The following AFF2 variants were observed in gnomAD, a reference collection of about 807,000 sequenced individuals.
AFF2 encodes AF4/FMR2 family member 2.
AFF2 carries 14 observed loss-of-function variants against 76.9 expected under a neutral mutation model. That is an observed-to-expected ratio of 0.18 (90% CI 0.12 to 0.28). AFF2 has a LOEUF of 0.28. AFF2 is among the 10% of genes least tolerant of loss of function. The probability of loss-of-function intolerance (pLI) is 1.00; values close to 1 mark genes in which losing one functional copy is unlikely to be tolerated. For synonymous variants in AFF2, 398 were observed against 366.7 expected (o/e 1.09, Z -0.98); for missense variants, 868 against 1,001.1 (o/e 0.87, Z 1.79).
At chrX:148,976,475 G>T (rs895465890) in intron 16 of AFF2, among the ~76,000 whole-genome samples, 4 of 111,411 alleles carry the variant, frequency 3.6e-5, no homozygotes, top group Admixed American at 9.5e-5. Context: ...TTTAATGAGA[G>T]GAATTTCAGT....
At chrX:148,528,256 G>A (rs1196760157) in intron 1 of AFF2, among the ~76,000 whole-genome samples, 1 of 111,906 alleles carries the variant, frequency 8.9e-6, no homozygotes, top group Non-Finnish European at 1.9e-5. Context: ...CCTTACAGCT[G>A]TACCTCACCT....
chrX:148,644,848 A>C (rs962920890), intron 1 of AFF2, among the ~76,000 whole-genome samples: 1 of 111,831 alleles, frequency 8.9e-6, no homozygotes, highest in Non-Finnish European at 1.9e-5. Context: ...TCACACTGTG[A>C]GATCCAGATG....
At chrX:148,712,670 C>T (rs782342425) in intron 3 of AFF2, among the ~76,000 whole-genome samples, 17 of 111,478 alleles carry the variant, frequency 1.5e-4, no homozygotes, top group South Asian at 1.1e-3. Flanking sequence ...GTCAGAAATA[C>T]AATATATAAT....
intron 7 of AFF2, among the ~76,000 whole-genome samples, chrX:148,846,746 T>A (rs1352696993): frequency 1.8e-5 from 2 of 111,132 alleles, no homozygotes; most frequent in Admixed American, 9.5e-5. Flanking sequence ...CATAAGAAGG[T>A]GAAATTGTAG....
chrX:148,691,464 TG>T lies in AFF2; in HGVS notation c.1041+28697del, dbSNP rs1557260759. On this transcript the variant is annotated intron_variant, in intron 3 of 20. Transcript: ENST00000370460. ...CTAGAGCGGAGACACATGATTACAA[TG>T]TGTACAAAGTGCAATGAAATACGAG... is the stretch of plus-strand genomic sequence containing the variant. 2.7e-5 allele frequency among the ~76,000 whole-genome samples: 3 copies of T among 111,957 alleles called. No individual in the cohort carries two copies. The Admixed American group carries it at 2.9e-4, about 11-fold the overall frequency.
At position 148,809,352 on chromosome X, in the gene AFF2, A is replaced by T. The variant is rs1015291458; in HGVS notation, c.1042-524A>T. On this transcript the variant is annotated intron_variant, in intron 3 of 20. Coordinates refer to ENST00000370460, the MANE Select transcript of AFF2 (RefSeq NM_002025.4). ...GAAGGTGTCACACTGGGAAAAATGC[A>T]TCATGGGATTCACTGAGTATACTTC... 2.1e-4 allele frequency among the ~76,000 whole-genome samples: 24 copies of T among 112,082 alleles called. No homozygotes were observed. The Admixed American group carries it at 2.2e-3, about 10-fold the overall frequency.
intron 4 of AFF2, among the ~76,000 whole-genome samples, chrX:148,824,963 A>G (rs1296371501): frequency 3.6e-5 from 4 of 111,038 alleles, no homozygotes; most frequent in Non-Finnish European, 7.6e-5. Flanking sequence ...GCTTGAGCCC[A>G]GGAGTTGGAG....
At chrX:148,831,643 T>C (rs1232749499) in intron 4 of AFF2, among the ~76,000 whole-genome samples, 1 of 111,934 alleles carries the variant, frequency 8.9e-6, no homozygotes, top group African/African-American at 3.3e-5. Context: ...GAGCAGAGCA[T>C]CCTACAGGCT....
intron 7 of AFF2, among the ~76,000 whole-genome samples, chrX:148,867,617 G>T (rs2070922925): frequency 8.9e-6 from 1 of 112,097 alleles, no homozygotes; most frequent in South Asian, 3.7e-4. Context: ...TCTTTGATGC[G>T]AACAGTCCTT....
rs150131361 is a variant in AFF2 at position 148,907,926 on chromosome X, G to A, written c.1397+3668G>A. ...CGTAAAAGATAGCCACCCCCAAAGC[G>A]ACCATTTCAGAGGCCTCCCCTCAAG... On this transcript the variant is annotated intron_variant, in intron 9 of 20. Transcript: ENST00000370460. Among the ~76,000 whole-genome samples, 990 of 109,807 alleles carry A rather than the reference G, an allele frequency of 9.0e-3. 9 individuals carry two copies. The highest frequency in any genetic ancestry group is 0.031 in the African/African-American group (922 of 30,110).
chrX:148,779,731 A>G (rs7050333), intron 3 of AFF2, among the ~76,000 whole-genome samples: 2,980 of 112,003 alleles, frequency 0.027, 107 homozygotes, highest in African/African-American at 0.092. Context: ...TAATTGGGGC[A>G]TTTAGCCCGT....
intron 13 of AFF2, among the ~76,000 whole-genome samples, chrX:148,963,948 GTTCTC>G (rs2124379605): frequency 8.9e-6 from 1 of 112,029 alleles, no homozygotes; most frequent in Admixed American, 9.4e-5. Flanking sequence ...TGATGCGTAG[GTTCTC>G]AGCACATTTA....
At position 148,724,194 on chromosome X, in the gene AFF2, T is replaced by A. The variant is rs782819968; in HGVS notation, c.1041+61426T>A. Among the ~76,000 whole-genome samples the A allele has an allele frequency of 5.4e-5, 6 of 111,115 alleles. No homozygotes were observed. In the South Asian group the frequency reaches 2.3e-3, roughly 42 times the overall value. Reference sequence around the variant, plus strand: ...TTGTACACATAAGCATGATCTATTGTATCTTTTGAGGAGGATGTTTCTGCT... The same window carrying A: ...TTGTACACATAAGCATGATCTATTGAATCTTTTGAGGAGGATGTTTCTGCT... On this transcript the variant is annotated intron_variant, in intron 3 of 20. Transcript: ENST00000370460.
At position 148,543,776 on chromosome X, in the gene AFF2, T is replaced by A. The variant is rs1036148763; in HGVS notation, c.47+42632T>A. ...TGCAAGAATTGATATTTGGCAGTAT[T>A]ATGAAAAATAACATTGGTCTGTAAC... On this transcript the variant is annotated intron_variant, in intron 1 of 20. Coordinates refer to ENST00000370460, the MANE Select transcript of AFF2 (RefSeq NM_002025.4). Among the ~76,000 whole-genome samples, 3 of 112,525 alleles carry A rather than the reference T, an allele frequency of 2.7e-5. No homozygotes were observed. The South Asian group carries it at 1.1e-3, about 41-fold the overall frequency.
intron 9 of AFF2, among the ~76,000 whole-genome samples, chrX:148,933,868 T>C (rs925432347): frequency 8.9e-6 from 1 of 112,186 alleles, no homozygotes; most frequent in African/African-American, 3.2e-5. Context: ...ATGTCCAAAA[T>C]ATGTGAGATC....
chrX:148,630,364 C>A (rs2053967905), intron 1 of AFF2, among the ~76,000 whole-genome samples: 1 of 111,854 alleles, frequency 8.9e-6, no homozygotes, highest in African/African-American at 3.3e-5. Context: ...GAGTGAGATA[C>A]CACAGATAAA....
chrX:148,503,870 G>C (rs371258747), intron 1 of AFF2, among the ~76,000 whole-genome samples: 20 of 111,564 alleles, frequency 1.8e-4, no homozygotes, highest in Non-Finnish European at 3.0e-4. Flanking sequence ...CTCTGGACTC[G>C]ATTAAAGGGC....
chrX:148,816,162 G>T (rs1266994764), intron 4 of AFF2, among the ~76,000 whole-genome samples: 2 of 111,689 alleles, frequency 1.8e-5, no homozygotes, highest in Non-Finnish European at 3.8e-5. Flanking sequence ...GGATTGGGCT[G>T]GGGAAAGGAG....
chrX:148,719,211 C>G, intron 3 of AFF2: 1 of 1,149,815 alleles, frequency 8.7e-7, no homozygotes, highest in Non-Finnish European at 1.2e-6. Flanking sequence ...CCAAGCATTT[C>G]CGTCCTTCTT....
Sources: allele counts gnomAD v4.1 joint callset (sites outside exome capture counted in the v4.1 genomes callset), GRCh38; gene constraint gnomAD v4.1.1; transcripts MANE v1.5; gene names NCBI Gene and HGNC (gene_info 2026-07-23, HGNC 2026-07-21).